Variants in SLC4A5 observed in about 807,000 individuals in gnomAD.
SLC4A5 encodes electrogenic sodium bicarbonate cotransporter 4.
A neutral mutation model predicts 120.4 loss-of-function variants in SLC4A5; 96 were observed. The observed-to-expected ratio is 0.80, with a 90% CI of 0.68 to 0.94. The LOEUF is 0.94. SLC4A5 is among the 40% of genes least tolerant of loss of function. The pLI, the probability that SLC4A5 is intolerant of heterozygous loss-of-function variation, is 0.00. For synonymous variants in SLC4A5, 550 were observed against 571.1 expected (o/e 0.96, Z 0.53); for missense variants, 1,259 against 1,459.5 (o/e 0.86, Z 2.24).
chr2:74,312,797 G>C (rs1672848128), intron 6 of SLC4A5, among the ~76,000 whole-genome samples: 1 of 152,094 alleles, frequency 6.6e-6, no homozygotes, highest in Non-Finnish European at 1.5e-5. Flanking sequence ...AACCAGCGTG[G>C]TGGTGGGCAC....
chr2:74,335,459 T>A (rs995060801), intron 3 of SLC4A5, among the ~76,000 whole-genome samples: 1 of 152,184 alleles, frequency 6.6e-6, no homozygotes, highest in Non-Finnish European at 1.5e-5. Flanking sequence ...CTCCCCAGGC[T>A]GTACTTCCTT....
rs192805145 is a variant in SLC4A5 at position 74,222,024 on chromosome 2, T to C, written c.3332-523A>G. Among the ~76,000 whole-genome samples the C allele has an allele frequency of 1.1e-4, 17 of 152,232 alleles. No homozygotes were observed. The East Asian group carries it at 3.1e-3, about 28-fold the overall frequency. ...TCCATAAGCAATGCCCAGTCCCTCC[T>C]AGGCAGCCTCCCTCTCAGCTGTCTG... On this transcript the variant is annotated intron_variant, in intron 29 of 30. Coordinates refer to ENST00000394019, the Ensembl canonical transcript of SLC4A5.
chr2:74,227,523 C>G, intron 26 of SLC4A5: 1 of 1,612,482 alleles, frequency 6.2e-7, no homozygotes, highest in Non-Finnish European at 8.5e-7. Flanking sequence ...TCACTGGAGT[C>G]AGCTTCTTCT....
intron 30 of SLC4A5, among the ~76,000 whole-genome samples, chr2:74,219,923 G>A (rs1694569830): frequency 6.6e-6 from 1 of 152,160 alleles, no homozygotes; most frequent in Non-Finnish European, 1.5e-5. Context: ...GGGTTGAACT[G>A]GGGAAAAGTG....
chr2:74,314,944 C>A lies in SLC4A5; in HGVS notation c.79+1G>T, dbSNP rs1672917254. ...GCATCAAGTCCTCAAAGTGACCTCA[C>A]CTTTCTGATCCGGAAATCTCCTCCT... On this transcript the variant is annotated splice_donor_variant, in intron 6 of 30. Transcript: ENST00000394019. LOFTEE classifies it high-confidence loss of function. 1.2e-6 allele frequency: 2 copies of A among 1,613,678 alleles called. No homozygotes were observed. The highest frequency in any genetic ancestry group is 1.7e-6 in the Non-Finnish European group (2 of 1,179,638).
chr2:74,261,580 C>G (rs996905303), intron 11 of SLC4A5, among the ~76,000 whole-genome samples: 1 of 152,140 alleles, frequency 6.6e-6, no homozygotes, highest in African/African-American at 2.4e-5. Flanking sequence ...TTCCCCAGCT[C>G]GCCTGTCTGT....
At chr2:74,249,774 A>C (rs915956754) in intron 17 of SLC4A5, among the ~76,000 whole-genome samples, 5 of 152,210 alleles carry the variant, frequency 3.3e-5, no homozygotes, top group African/African-American at 1.2e-4. Context: ...GGACATGCCC[A>C]AAAGGCAGCT....
chr2:74,240,025 A>G (rs1485152784), intron 20 of SLC4A5, among the ~76,000 whole-genome samples: 1 of 147,940 alleles, frequency 6.8e-6, no homozygotes, highest in Admixed American at 6.8e-5. Context: ...ATTTATTTAT[A>G]TATACATATA....
intron 4 of SLC4A5, among the ~76,000 whole-genome samples, chr2:74,329,246 G>A (rs1456878932): frequency 6.6e-6 from 1 of 152,192 alleles, no homozygotes; most frequent in African/African-American, 2.4e-5. Flanking sequence ...GGAGATGTGG[G>A]GTATAGATAG....
chr2:74,262,202 C>A, exon 11 of SLC4A5: 1 of 1,547,606 alleles, frequency 6.5e-7, no homozygotes, highest in Non-Finnish European at 8.7e-7. Context: ...TAGACTCGGG[C>A]CAGCACCAGG....
At chr2:74,229,918 G>A (rs952085471) in intron 25 of SLC4A5, among the ~76,000 whole-genome samples, 1 of 140,482 alleles carries the variant, frequency 7.1e-6, no homozygotes, top group Non-Finnish European at 1.5e-5. Context: ...GTCTCACTCT[G>A]TTGCCCAGGC....
At chr2:74,337,238 A>T (rs1431532234) in intron 3 of SLC4A5, among the ~76,000 whole-genome samples, 1 of 152,036 alleles carries the variant, frequency 6.6e-6, no homozygotes, top group African/African-American at 2.4e-5. Flanking sequence ...GGCCAAGAGG[A>T]CCCCAGGCAA....
At chr2:74,236,528 A>T (rs1299896905) in intron 21 of SLC4A5, among the ~76,000 whole-genome samples, 2 of 152,102 alleles carry the variant, frequency 1.3e-5, no homozygotes, top group Non-Finnish European at 2.9e-5. Context: ...GAGAACAATC[A>T]TTTCTTGTTC....
intron 30 of SLC4A5, among the ~76,000 whole-genome samples, chr2:74,220,788 C>G (rs757265015): frequency 6.9e-6 from 1 of 145,438 alleles, no homozygotes; most frequent in African/African-American, 2.6e-5. Context: ...AGTGCTGGGA[C>G]TACAGGCGTG....
intron 6 of SLC4A5, 127 bp from the exon 7 acceptor site, chr2:74,304,807 G>C (rs928188748): frequency 4.4e-6 from 4 of 899,654 alleles, no homozygotes; most frequent in Admixed American, 5.6e-5. Context: ...TGCCAGGATG[G>C]GGTCATTGCC....
intron 8 of SLC4A5, among the ~76,000 whole-genome samples, chr2:74,268,409 A>C (rs1417654750): frequency 6.6e-6 from 1 of 152,250 alleles, no homozygotes; most frequent in East Asian, 1.9e-4. Context: ...TTAAGGGTAT[A>C]GTATCTAATG....
chr2:74,224,728 C>T, intron 28 of SLC4A5, 112 bp downstream of exon 28: 1 of 1,455,208 alleles, frequency 6.9e-7, no homozygotes, highest in Non-Finnish European at 9.2e-7. Flanking sequence ...CTGGACTGGG[C>T]CGAGGCACTG....
intron 19 of SLC4A5, among the ~76,000 whole-genome samples, chr2:74,245,274 G>A (rs771198311): frequency 9.2e-5 from 14 of 152,124 alleles, no homozygotes; most frequent in Non-Finnish European, 1.6e-4. Context: ...AGCCGAGATC[G>A]CGCCATTGCA....
At chr2:74,335,513 C>T (rs1673459195) in intron 3 of SLC4A5, among the ~76,000 whole-genome samples, 1 of 152,222 alleles carries the variant, frequency 6.6e-6, no homozygotes, top group South Asian at 2.1e-4. Flanking sequence ...ACCTGAGCTA[C>T]CCTGGAAAGC....
Sources: allele counts gnomAD v4.1 joint callset (sites outside exome capture counted in the v4.1 genomes callset), GRCh38; gene constraint gnomAD v4.1.1; transcripts MANE v1.5; gene names NCBI Gene and HGNC (gene_info 2026-07-23, HGNC 2026-07-21).